Variants in ADD3 observed in about 807,000 individuals in gnomAD.
The protein encoded by ADD3 is gamma-adducin.
A neutral mutation model predicts 80.2 loss-of-function variants in ADD3; 25 were observed. The ratio of observed to expected loss-of-function variants is 0.31; its 90% CI spans 0.23 to 0.44. ADD3 has a LOEUF of 0.44. Ranked by LOEUF, ADD3 falls within the 20% of genes least tolerant of loss-of-function variation. ADD3 has a pLI of 1.00. For missense variants in ADD3, 829 were observed against 847.5 expected, an observed-to-expected ratio of 0.98 and a Z score of 0.27; for synonymous variants, 284 against 289.6, an observed-to-expected ratio of 0.98 and a Z score of 0.20.
chr10:110,040,892 GA>G (rs1856229464), intron 1 of ADD3, among the ~76,000 whole-genome samples: 1 of 151,382 alleles, frequency 6.6e-6, no homozygotes, highest in African/African-American at 2.4e-5. Flanking sequence ...AAGAAAACTG[GA>G]AAAAAGAACT....
At chr10:110,065,829 G>C (rs1204251882) in intron 1 of ADD3, among the ~76,000 whole-genome samples, 1 of 150,912 alleles carries the variant, frequency 6.6e-6, no homozygotes, top group Non-Finnish European at 1.5e-5. Flanking sequence ...TGTGAGCCAC[G>C]GCGCCCGACC....
intron 1 of ADD3, among the ~76,000 whole-genome samples, chr10:110,060,086 T>A (rs938107110): frequency 6.6e-6 from 1 of 152,228 alleles, no homozygotes; most frequent in Non-Finnish European, 1.5e-5. Flanking sequence ...GGAACATTTA[T>A]GTTTTTTAGA....
chr10:110,037,991 C>T (rs1855862365), intron 1 of ADD3, among the ~76,000 whole-genome samples: 1 of 150,396 alleles, frequency 6.6e-6, no homozygotes, highest in African/African-American at 2.5e-5. Context: ...ATCGCTTGAA[C>T]CCGGGAGGTG....
chr10:110,083,448 G>A (rs1247626138), intron 1 of ADD3, among the ~76,000 whole-genome samples: 4 of 152,034 alleles, frequency 2.6e-5, no homozygotes, highest in Admixed American at 1.3e-4. Context: ...CCTGGGAGGC[G>A]GGGCTTGCAG....
chr10:110,002,120 C>T (rs1385060913), upstream of ADD3, among the ~76,000 whole-genome samples: 1 of 152,008 alleles, frequency 6.6e-6, no homozygotes, highest in Non-Finnish European at 1.5e-5. Context: ...GGTGAAACCT[C>T]GTTTCTACTA....
At chr10:110,119,846 C>T (rs538781360) in intron 8 of ADD3, among the ~76,000 whole-genome samples, 4 of 152,282 alleles carry the variant, frequency 2.6e-5, no homozygotes, top group African/African-American at 9.6e-5. Flanking sequence ...TTTCTGTTTT[C>T]ACCCTGTAGT....
At chr10:110,095,079 G>A (rs1847995448) in intron 1 of ADD3, among the ~76,000 whole-genome samples, 2 of 152,166 alleles carry the variant, frequency 1.3e-5, no homozygotes, top group Admixed American at 1.3e-4. Flanking sequence ...TTATTTGGAA[G>A]GAGTTGTGAT....
At chr10:110,026,282 G>GTTTTT (rs11395254) in intron 1 of ADD3, among the ~76,000 whole-genome samples, 4 of 135,692 alleles carry the variant, frequency 2.9e-5, no homozygotes, top group African/African-American at 1.1e-4. Context: ...CAGTTTTCTT[G>GTTTTT]TTTTTTTTTT....
At chr10:110,121,138 A>G (rs1273126041) in intron 8 of ADD3, among the ~76,000 whole-genome samples, 3 of 152,116 alleles carry the variant, frequency 2.0e-5, no homozygotes, top group African/African-American at 2.4e-5. Context: ...ACAAAAGACA[A>G]AATTGACAAA....
chr10:110,001,587 T>C (rs1851486841), upstream of ADD3, among the ~76,000 whole-genome samples: 2 of 152,320 alleles, frequency 1.3e-5, no homozygotes, highest in South Asian at 2.1e-4. Flanking sequence ...CAGTGCATTG[T>C]TTCTATAGGA....
chr10:110,113,911 GAAGTA>G (rs1370356088), intron 3 of ADD3, among the ~76,000 whole-genome samples: 1 of 152,228 alleles, frequency 6.6e-6, no homozygotes, highest in African/African-American at 2.4e-5. Context: ...TGGACATAGA[GAAGTA>G]GTACTCAAAG....
rs374875687 is a variant in ADD3 at position 110,040,008 on chromosome 10, T to TA, written c.-30+31710dup. On this transcript the variant is annotated intron_variant, in intron 1 of 14. Transcript: ENST00000356080. ...TTAAAATAATCTCATCTTGTGAACATACCACCACTTCTGCCCCTATTGCTG... is the reference window on the plus strand; with the variant it reads ...TTAAAATAATCTCATCTTGTGAACATAACCACCACTTCTGCCCCTATTGCTG... Among the ~76,000 whole-genome samples the TA allele has an allele frequency of 5.6e-4, 85 of 152,280 alleles. 1 individual carries two copies. Among genetic ancestry groups the TA allele is most frequent in the African/African-American group, 2.0e-3 (82 of 41,568 alleles).
At chr10:110,116,032 A>C (rs1590191411) in intron 3 of ADD3, among the ~76,000 whole-genome samples, 1 of 152,224 alleles carries the variant, frequency 6.6e-6, no homozygotes, top group Admixed American at 6.5e-5. Flanking sequence ...CAAGCACTAC[A>C]TGAAGCAACT....
chr10:110,029,920 T>C (rs1004033390), intron 1 of ADD3, among the ~76,000 whole-genome samples: 3 of 152,220 alleles, frequency 2.0e-5, no homozygotes, highest in Non-Finnish European at 4.4e-5. Context: ...ACTCGTACTT[T>C]ATTTACTTTA....
chr10:110,130,779 C>A (rs1336348470), intron 13 of ADD3, among the ~76,000 whole-genome samples: 3 of 151,578 alleles, frequency 2.0e-5, no homozygotes, highest in African/African-American at 7.3e-5. Flanking sequence ...TCGCTTGAAC[C>A]TGGGAGGCAG....
intron 1 of ADD3, among the ~76,000 whole-genome samples, chr10:110,091,073 T>G (rs1847444075): frequency 6.6e-6 from 1 of 152,218 alleles, no homozygotes; most frequent in South Asian, 2.1e-4. Flanking sequence ...GGTAGGTAGG[T>G]TTCCACATGT....
At chr10:110,013,574 A>G (rs977231811) in intron 1 of ADD3, among the ~76,000 whole-genome samples, 2 of 152,242 alleles carry the variant, frequency 1.3e-5, no homozygotes, top group Admixed American at 6.5e-5. Flanking sequence ...GAAGTATACT[A>G]TATTAGTGAA....
At chr10:110,063,179 G>A (rs754339370) in intron 1 of ADD3, among the ~76,000 whole-genome samples, 3 of 152,096 alleles carry the variant, frequency 2.0e-5, no homozygotes, top group Non-Finnish European at 4.4e-5. Context: ...CTGAAAAATG[G>A]CATCAGGAGC....
At chr10:110,101,563 G>C (rs996579763) in intron 2 of ADD3, among the ~76,000 whole-genome samples, 1 of 150,370 alleles carries the variant, frequency 6.7e-6, no homozygotes, top group African/African-American at 2.5e-5. Flanking sequence ...CTTGAGCCCA[G>C]AAGGTCAAGA....
Sources: allele counts gnomAD v4.1 joint callset (sites outside exome capture counted in the v4.1 genomes callset), GRCh38; gene constraint gnomAD v4.1.1; transcripts MANE v1.5; gene names NCBI Gene and HGNC (gene_info 2026-07-23, HGNC 2026-07-21).